Variants in PTPN9 observed in about 807,000 individuals in gnomAD.
PTPN9 encodes tyrosine-protein phosphatase non-receptor type 9.
PTPN9 carries 26 observed loss-of-function variants against 69.8 expected under a neutral mutation model. The ratio of observed to expected loss-of-function variants is 0.37; its 90% CI spans 0.27 to 0.52. The LOEUF (loss-of-function observed/expected upper bound fraction) is 0.52, where lower values mean the gene tolerates loss of function less well. PTPN9 is among the 20% of genes least tolerant of loss of function. The pLI is 0.91. For missense variants in PTPN9, 549 were observed against 740.3 expected (o/e 0.74, Z 3.00); for synonymous variants, 274 against 272.5 (o/e 1.01, Z -0.05).
At chr15:75,482,654 G>C (rs1315364469) in intron 8 of PTPN9, among the ~76,000 whole-genome samples, 2 of 150,862 alleles carry the variant, frequency 1.3e-5, no homozygotes, top group East Asian at 3.9e-4. Flanking sequence ...AGGCCGCAGG[G>C]TCCTCTGCCT....
rs1413686680 is a variant in PTPN9, at chr15:75,517,286, A to C, written c.501T>G (p.Leu167=). Residue 167 remains leucine (L), a synonymous_variant, in exon 5 of 13, where the codon CTT becomes CTG. Transcript: ENST00000618819. ...TCAGCAGGTTTAGGACTTTCTTGCC[A>C]AGATCCAGCTCAAAGTTGGCATAAT... ...GSNYANFELD[L]GKKVLNLLKG... The C allele has an allele frequency of 1.2e-6, 2 of 1,613,996 alleles. No homozygotes were observed. Among genetic ancestry groups the C allele is most frequent in the South Asian group, 2.2e-5 (2 of 91,060 alleles).
At chr15:75,567,606 T>C (rs139887517) in intron 1 of PTPN9, among the ~76,000 whole-genome samples, 137 of 152,228 alleles carry the variant, frequency 9.0e-4, no homozygotes, top group African/African-American at 3.2e-3. Context: ...CTACCTACAC[T>C]GAAAAAAGTG....
chr15:75,509,337 A>T (rs1057453749), intron 5 of PTPN9, among the ~76,000 whole-genome samples: 24 of 152,220 alleles, frequency 1.6e-4, no homozygotes, highest in South Asian at 6.2e-4. Flanking sequence ...TATGCCTCTT[A>T]AAAAAGTTAT....
intron 8 of PTPN9, among the ~76,000 whole-genome samples, chr15:75,488,970 T>C (rs1466382305): frequency 6.6e-6 from 1 of 151,502 alleles, no homozygotes; most frequent in African/African-American, 2.4e-5. Context: ...GGTCAGGAGA[T>C]CGAGACCATC....
intron 7 of PTPN9, among the ~76,000 whole-genome samples, chr15:75,504,759 G>T (rs956213855): frequency 1.4e-5 from 2 of 146,180 alleles, no homozygotes; most frequent in African/African-American, 2.5e-5. Context: ...GAAGTGAGGA[G>T]CCCCTCTGCC....
At chr15:75,563,752 CCTT>C (rs2075114791) in intron 1 of PTPN9, among the ~76,000 whole-genome samples, 1 of 152,160 alleles carries the variant, frequency 6.6e-6, no homozygotes, top group African/African-American at 2.4e-5. Context: ...AAGTCCTCCT[CCTT>C]GACAGGTACT....
At chr15:75,538,426 G>C (rs908132968) in intron 1 of PTPN9, among the ~76,000 whole-genome samples, 6 of 152,164 alleles carry the variant, frequency 3.9e-5, no homozygotes, top group Non-Finnish European at 8.8e-5. Flanking sequence ...GCCAGGTGTG[G>C]TGGCTCCAAT....
intron 1 of PTPN9, among the ~76,000 whole-genome samples, chr15:75,543,926 G>C (rs1384363863): frequency 1.3e-5 from 2 of 152,116 alleles, no homozygotes; most frequent in Non-Finnish European, 2.9e-5. Flanking sequence ...GCTGTTTCAC[G>C]AACTGCTAGC....
intron 1 of PTPN9, among the ~76,000 whole-genome samples, chr15:75,572,041 AAG>A (rs1317931872): frequency 6.6e-6 from 1 of 151,892 alleles, no homozygotes; most frequent in African/African-American, 2.4e-5. Context: ...AGTTCTAGTT[AAG>A]AGTCTTGGCA....
intron 1 of PTPN9, 75 bp from the exon 2 acceptor site, chr15:75,527,336 A>G: frequency 6.5e-7 from 1 of 1,534,398 alleles, no homozygotes; most frequent in South Asian, 1.2e-5. Context: ...AACAAGTGAA[A>G]ACTATCATCC....
In PTPN9 at chr15:75,463,277, A is replaced by T. The variant is rs551983966; in HGVS notation, c.*5492T>A. Reference sequence around the variant, plus strand: ...GCTGGCCACAGAAAATTTTTTATTAAAAATACATTTTTTCACAGAAGAAAA... The same window carrying T: ...GCTGGCCACAGAAAATTTTTTATTATAAATACATTTTTTCACAGAAGAAAA... On this transcript the variant is annotated 3_prime_UTR_variant, in exon 13 of 13. Coordinates refer to ENST00000618819, the MANE Select transcript of PTPN9 (RefSeq NM_002833.4). 6.2e-4 allele frequency: 95 copies of T among 152,336 alleles called. No individual in the cohort carries two copies. Among genetic ancestry groups the T allele is most frequent in the African/African-American group, 2.2e-3 (93 of 41,570 alleles). The allele number at this position is 152,336 out of a possible 1,614,324, so 9.4% of individuals were successfully genotyped here.
intron 1 of PTPN9, among the ~76,000 whole-genome samples, chr15:75,553,226 A>T (rs1032621852): frequency 1.3e-5 from 2 of 152,216 alleles, no homozygotes; most frequent in Non-Finnish European, 2.9e-5. Flanking sequence ...TTTTAGAAGC[A>T]CCAGATGAAA....
chr15:75,473,016 A>C (rs1469629772), intron 10 of PTPN9, among the ~76,000 whole-genome samples: 2 of 152,128 alleles, frequency 1.3e-5, no homozygotes, highest in Non-Finnish European at 2.9e-5. Context: ...GGAGTCAGGA[A>C]GGCAGCACCC....
intron 1 of PTPN9, among the ~76,000 whole-genome samples, chr15:75,546,428 G>A (rs2075033321): frequency 6.6e-6 from 1 of 152,146 alleles, no homozygotes. Flanking sequence ...CAGATCACGA[G>A]GTCAGGAGTT....
intron 9 of PTPN9, among the ~76,000 whole-genome samples, chr15:75,477,691 C>A (rs11632813): frequency 0.6 from 91,384 of 151,858 alleles, 28,755 homozygotes; most frequent in African/African-American, 0.8. Flanking sequence ...AAACAAGGAC[C>A]TCCTCCTATA....
Position 75,508,962 on chromosome 15 carries a change from G to A in PTPN9, c.594C>T (p.Pro198=). Residue 198 remains proline (P), a synonymous_variant, in exon 6 of 13, where the codon CCC becomes CCT. Transcript: ENST00000618819. ...IVGAPIWFRV[P]YSIISLLLKD... is the part of the protein sequence containing the mutation. Reference sequence around the variant, plus strand: ...TCAGGAGGAGACTGATGATGGAATAGGGCACTCGGAACCATATGGGTGCCC... The same window carrying A: ...TCAGGAGGAGACTGATGATGGAATAAGGCACTCGGAACCATATGGGTGCCC... The A allele has an allele frequency of 6.2e-7, 1 of 1,614,092 alleles. No homozygotes were observed. The highest frequency in any genetic ancestry group is 8.5e-7 in the Non-Finnish European group (1 of 1,179,970).
chr15:75,544,566 A>G (rs1407475321), intron 1 of PTPN9, among the ~76,000 whole-genome samples: 2 of 152,070 alleles, frequency 1.3e-5, no homozygotes. Flanking sequence ...AAACACACAC[A>G]CACAAAAACA....
chr15:75,508,086 C>T (rs8027749), intron 6 of PTPN9, among the ~76,000 whole-genome samples: 31,064 of 149,856 alleles, frequency 0.21, 3,639 homozygotes, highest in Non-Finnish European at 0.26. Context: ...TCCTACTCTG[C>T]GTCATTAGGT....
At chr15:75,573,527 A>G (rs796774039) in intron 1 of PTPN9, among the ~76,000 whole-genome samples, 9 of 152,356 alleles carry the variant, frequency 5.9e-5, no homozygotes, top group African/African-American at 2.2e-4. Flanking sequence ...AACTATATCA[A>G]TGCATACACA....
Sources: gnomAD v4.1 joint callset for allele counts (sites outside exome capture counted in the v4.1 genomes callset) on GRCh38, gnomAD v4.1.1 for gene constraint, MANE v1.5 for transcripts, NCBI Gene and HGNC (gene_info 2026-07-23, HGNC 2026-07-21) for gene names.